PTPRD: variants seen among roughly 807,000 people sequenced by gnomAD.
PTPRD encodes protein tyrosine phosphatase receptor type D.
Under a neutral mutation model 214.5 loss-of-function variants are expected in PTPRD, and 34 were observed. The observed-to-expected ratio is 0.16, with a 90% confidence interval of 0.12 to 0.21. The LOEUF (loss-of-function observed/expected upper bound fraction) is 0.21, where lower values mean the gene tolerates loss of function less well. Ranked by LOEUF, PTPRD falls within the 10% of genes least tolerant of loss-of-function variation. The probability of loss-of-function intolerance (pLI) is 1.00; values close to 1 mark genes in which losing one functional copy is unlikely to be tolerated. For synonymous variants in PTPRD, 1,128 were observed against 845.7 expected (o/e 1.33, Z -5.79); for missense variants, 2,545 against 2,398.7 (o/e 1.06, Z -1.27).
At chr9:8,982,958 T>G (rs983063319) in intron 11 of PTPRD, among the ~76,000 whole-genome samples, 1 of 152,062 alleles carries the variant, frequency 6.6e-6, no homozygotes, top group Non-Finnish European at 1.5e-5. Flanking sequence ...GGGCTGACAT[T>G]TGAGATTGTT....
chr9:9,707,070 C>T (rs929586882), intron 7 of PTPRD, among the ~76,000 whole-genome samples: 3 of 152,002 alleles, frequency 2.0e-5, no homozygotes, highest in African/African-American at 7.2e-5. Flanking sequence ...AACAGATGTC[C>T]TTTTTATTAA....
chr9:9,657,354 A>G (rs1308852879), intron 7 of PTPRD, among the ~76,000 whole-genome samples: 1 of 152,128 alleles, frequency 6.6e-6, no homozygotes, highest in Non-Finnish European at 1.5e-5. Context: ...ACACAAGAAG[A>G]AAAAAACAAA....
chr9:9,355,691 G>T (rs191870052), intron 9 of PTPRD, among the ~76,000 whole-genome samples: 2 of 151,472 alleles, frequency 1.3e-5, no homozygotes, highest in Non-Finnish European at 1.5e-5. Flanking sequence ...GATGTAAATT[G>T]GAAGTCACAG....
chr9:8,783,730 G>T (rs1269762629), intron 11 of PTPRD, among the ~76,000 whole-genome samples: 1 of 152,148 alleles, frequency 6.6e-6, no homozygotes, highest in Non-Finnish European at 1.5e-5. Flanking sequence ...CAATATTGCA[G>T]TACTGGTCTG....
chr9:9,401,633 A>T (rs1401041561), intron 8 of PTPRD, among the ~76,000 whole-genome samples: 1 of 150,810 alleles, frequency 6.6e-6, no homozygotes, highest in African/African-American at 2.4e-5. Context: ...AATACAAATA[A>T]CTCTTCCTCC....
At chr9:10,142,147 G>A (rs1229135099) in intron 3 of PTPRD, among the ~76,000 whole-genome samples, 1 of 152,060 alleles carries the variant, frequency 6.6e-6, no homozygotes, top group African/African-American at 2.4e-5. Context: ...AGACTTGAAT[G>A]TTAGACCTAA....
intron 7 of PTPRD, among the ~76,000 whole-genome samples, chr9:9,659,192 C>A (rs1184602648): frequency 1.3e-5 from 2 of 151,984 alleles, no homozygotes; most frequent in Admixed American, 1.3e-4. Context: ...TCACTTCATG[C>A]TTCCTATGTT....
chr9:10,374,725 C>A (rs1398820548), intron 2 of PTPRD, among the ~76,000 whole-genome samples: 1 of 151,882 alleles, frequency 6.6e-6, no homozygotes, highest in Non-Finnish European at 1.5e-5. Context: ...TGGAAAGGAC[C>A]CACTTGATTA....
intron 34 of PTPRD, among the ~76,000 whole-genome samples, chr9:8,448,944 T>C (rs1234107156): frequency 6.6e-5 from 10 of 152,172 alleles, no homozygotes; most frequent in Admixed American, 3.9e-4. Context: ...CATATTAAGA[T>C]AGGGTCACTC....
chr9:9,264,630 G>A (rs1234091865), intron 9 of PTPRD, among the ~76,000 whole-genome samples: 3 of 151,544 alleles, frequency 2.0e-5, no homozygotes, highest in Non-Finnish European at 4.4e-5. Flanking sequence ...AAGAAACAAT[G>A]GCTGAACCCT....
rs150168443 is a variant in PTPRD, at chr9:8,946,557, G to T, written c.-104+72140C>A. Among the ~76,000 whole-genome samples, 4 of 152,300 alleles carry T rather than the reference G, an allele frequency of 2.6e-5. No homozygotes were observed. The East Asian group carries it at 5.8e-4, about 22-fold the overall frequency. On this transcript the variant is annotated intron_variant, in intron 11 of 45. Transcript: ENST00000381196. ...GTAGCTGATGGGCTTTAGCAGAAGC[G>T]CACAGGTCTCTGTTCAACACTCTTG...
intron 11 of PTPRD, among the ~76,000 whole-genome samples, chr9:8,749,561 C>T (rs2093304203): frequency 6.6e-6 from 1 of 152,108 alleles, no homozygotes; most frequent in Admixed American, 6.6e-5. Context: ...AGTCTGTCCA[C>T]CAATCTCTAT....
intron 2 of PTPRD, among the ~76,000 whole-genome samples, chr9:10,391,500 T>C (rs1042466678): frequency 6.6e-6 from 1 of 151,768 alleles, no homozygotes; most frequent in Non-Finnish European, 1.5e-5. Flanking sequence ...GCAGTTCCTG[T>C]CTGTTAGAAG....
intron 8 of PTPRD, among the ~76,000 whole-genome samples, chr9:9,525,366 T>C (rs966406708): frequency 2.0e-5 from 3 of 152,184 alleles, no homozygotes; most frequent in African/African-American, 7.2e-5. Flanking sequence ...TTAACGCTTA[T>C]TGTATATTGC....
In PTPRD at chr9:9,343,175, G is replaced by A. The variant is rs568268112; in HGVS notation, c.-203+54274C>T. 7.2e-5 allele frequency among the ~76,000 whole-genome samples: 11 copies of A among 152,178 alleles called. No homozygotes were observed. In the East Asian group the frequency reaches 1.7e-3, roughly 24 times the overall value. Reference sequence around the variant, plus strand: ...GGTTCCAAGGCTTTGCTATTGTGTAGTGCTGCAATAAACATACTTGTGCTT... The same window carrying A: ...GGTTCCAAGGCTTTGCTATTGTGTAATGCTGCAATAAACATACTTGTGCTT... On this transcript the variant is annotated intron_variant, in intron 9 of 45. Transcript: ENST00000381196.
In PTPRD at chr9:9,273,641, T is replaced by C. The variant is rs10977626; in HGVS notation, c.-202-90278A>G. Among the ~76,000 whole-genome samples the C allele has an allele frequency of 3.3e-5, 5 of 151,452 alleles. No homozygotes were observed. The East Asian group carries it at 9.8e-4, about 30-fold the overall frequency. On this transcript the variant is annotated intron_variant, in intron 9 of 45. Transcript: ENST00000381196. ...AATGTATAGCATGTACTCTAGAGTG[T>C]CTACCCAGGCTGACTCTATTCCATA...
intron 23 of PTPRD, among the ~76,000 whole-genome samples, chr9:8,501,656 G>A (rs1008849673): frequency 6.6e-6 from 1 of 152,134 alleles, no homozygotes; most frequent in African/African-American, 2.4e-5. Flanking sequence ...AACTGAGTTT[G>A]CCTGACCAGT....
intron 34 of PTPRD, among the ~76,000 whole-genome samples, chr9:8,442,097 C>T (rs1360524164): frequency 3.3e-5 from 5 of 152,146 alleles, no homozygotes; most frequent in Non-Finnish European, 7.3e-5. Flanking sequence ...TGCAAAAACA[C>T]GTCTGTATTT....
At chr9:10,397,400 G>A (rs1231608460) in intron 2 of PTPRD, among the ~76,000 whole-genome samples, 2 of 151,970 alleles carry the variant, frequency 1.3e-5, no homozygotes, top group Non-Finnish European at 2.9e-5. Flanking sequence ...CAATGTTATT[G>A]TTGTTGTTGC....
Sources: allele counts gnomAD v4.1 joint callset (sites outside exome capture counted in the v4.1 genomes callset), GRCh38; gene constraint gnomAD v4.1.1; transcripts MANE v1.5; gene names NCBI Gene and HGNC (gene_info 2026-07-23, HGNC 2026-07-21).